The following WDPCP variants were observed in gnomAD, a reference collection of about 807,000 sequenced individuals.
WDPCP encodes the protein WD repeat containing planar cell polarity effector.
WDPCP carries 71 observed loss-of-function variants against 93.1 expected under a neutral mutation model. The ratio of observed to expected loss-of-function variants is 0.76; its 90% CI spans 0.63 to 0.93. WDPCP has a LOEUF of 0.93. WDPCP is among the 40% of genes least tolerant of loss of function. The pLI is 0.00. For synonymous variants in WDPCP, 315 were observed against 315.0 expected (o/e 1.00, Z 0.00); for missense variants, 844 against 887.4 (o/e 0.95, Z 0.62).
intron 2 of WDPCP, among the ~76,000 whole-genome samples, chr2:63,808,375 T>C (rs1670802405): frequency 7.0e-6 from 1 of 142,926 alleles, no homozygotes; most frequent in South Asian, 2.4e-4. Context: ...CTTTCCACGG[T>C]CTCCCTCTGA....
intron 17 of WDPCP, among the ~76,000 whole-genome samples, chr2:63,128,991 T>G (rs759644445): frequency 9.9e-5 from 15 of 152,226 alleles, no homozygotes; most frequent in Non-Finnish European, 2.1e-4. Flanking sequence ...CTCTAAGAAT[T>G]TGACTATTCC....
chr2:63,417,956 T>A (rs1695554685), intron 9 of WDPCP, among the ~76,000 whole-genome samples: 1 of 151,956 alleles, frequency 6.6e-6, no homozygotes, highest in Non-Finnish European at 1.5e-5. Context: ...AAAATGCTAA[T>A]GTGATAGACC....
intron 10 of WDPCP, among the ~76,000 whole-genome samples, chr2:63,399,218 C>A (rs892829800): frequency 1.3e-5 from 2 of 152,020 alleles, no homozygotes; most frequent in African/African-American, 4.8e-5. Flanking sequence ...CAAAAGTTAT[C>A]ACCTTTTCAT....
rs1558831969 is a variant in WDPCP at position 63,575,409 on chromosome 2, A to ACT, written c.75+12787_75+12788insAG. Among the ~76,000 whole-genome samples, 389 of 75,568 alleles carry ACT rather than the reference A, an allele frequency of 5.1e-3. 51 individuals carry two copies. Among genetic ancestry groups the ACT allele is most frequent in the Middle Eastern group, 0.037 (4 of 108 alleles). 49.6% of individuals were successfully genotyped at this position (75,568 alleles called of 152,430 possible). A position where few individuals can be genotyped will look rare whatever the true frequency, so the allele number is the denominator to read the frequency against. On this transcript the variant is annotated intron_variant, in intron 1 of 17. Coordinates refer to ENST00000272321, the MANE Select transcript of WDPCP (RefSeq NM_015910.7). ...TACACGGTATATACAGTATATATAC[A>ACT]GTATATACACTGTATACAGTGTATA...
At position 63,567,986 on chromosome 2, in the gene WDPCP, T is replaced by G. The variant is rs17028036; in HGVS notation, c.75+20211A>C. On this transcript the variant is annotated intron_variant, in intron 1 of 17. Coordinates refer to ENST00000272321, the MANE Select transcript of WDPCP (RefSeq NM_015910.7). ...GGAGTACTGAATTTAAGTGTACAAA[T>G]GGGTATCCCATAAAAAATAATGACA... is the stretch of plus-strand genomic sequence containing the variant. 7.2e-4 allele frequency among the ~76,000 whole-genome samples: 109 copies of G among 152,344 alleles called. 2 individuals carry two copies. The East Asian group carries it at 0.019, about 26-fold the overall frequency.
At chr2:63,268,084 T>C (rs1441886890) in intron 13 of WDPCP, among the ~76,000 whole-genome samples, 2 of 152,174 alleles carry the variant, frequency 1.3e-5, no homozygotes, top group Admixed American at 6.5e-5. Flanking sequence ...CCATCAATGG[T>C]TGAATGGATA....
intron 12 of WDPCP, among the ~76,000 whole-genome samples, chr2:63,347,682 G>C (rs114998244): frequency 3.9e-5 from 6 of 152,004 alleles, no homozygotes; most frequent in African/African-American, 9.7e-5. Flanking sequence ...CTGTTTTTGT[G>C]GGGGGGTCAT....
intron 2 of WDPCP, among the ~76,000 whole-genome samples, chr2:63,722,287 C>A (rs1669428979): frequency 6.7e-6 from 1 of 149,720 alleles, no homozygotes; most frequent in Non-Finnish European, 1.5e-5. Flanking sequence ...AAGTGAGGAG[C>A]ACCTCTGCCC....
Position 63,205,061 on chromosome 2 carries a change from G to A in WDPCP, c.1916-30229C>T, listed in dbSNP as rs1223038539. Among the ~76,000 whole-genome samples, 3 of 152,062 alleles carry A rather than the reference G, an allele frequency of 2.0e-5. No homozygotes were observed. In the East Asian group the frequency reaches 5.8e-4, roughly 29 times the overall value. On this transcript the variant is annotated intron_variant, in intron 14 of 17. Transcript: ENST00000272321. ...GGTTTAGTTTCATTCTTCTACATAT[G>A]GATATCCAGTTTTCCCAGTACCATT...
chr2:63,234,787 T>C (rs181191567), intron 14 of WDPCP, among the ~76,000 whole-genome samples: 4 of 152,298 alleles, frequency 2.6e-5, no homozygotes, highest in East Asian at 1.9e-4. Flanking sequence ...AGCGTACTCA[T>C]GGTTTTTGTT....
chr2:63,217,642 G>A (rs569346460), intron 14 of WDPCP, among the ~76,000 whole-genome samples: 1 of 152,276 alleles, frequency 6.6e-6, no homozygotes, highest in African/African-American at 2.4e-5. Flanking sequence ...CCTCTCAGCT[G>A]TCATCTTAGA....
chr2:63,488,575 T>C (rs2105925907), intron 2 of WDPCP, among the ~76,000 whole-genome samples: 1 of 152,152 alleles, frequency 6.6e-6, no homozygotes, highest in South Asian at 2.1e-4. Flanking sequence ...ACTGATATTT[T>C]ATTTGTTGTC....
chr2:63,358,582 G>A (rs1690196135), intron 12 of WDPCP, among the ~76,000 whole-genome samples: 1 of 152,090 alleles, frequency 6.6e-6, no homozygotes, highest in Non-Finnish European at 1.5e-5. Context: ...TCAGCCTCAT[G>A]AGCAGCTGGG....
chr2:63,794,451 A>G (rs10181165), intron 2 of WDPCP, among the ~76,000 whole-genome samples: 3 of 152,350 alleles, frequency 2.0e-5, no homozygotes, highest in African/African-American at 7.2e-5. Flanking sequence ...ATCTAGGCCA[A>G]TGAGCCATGT....
chr2:63,476,458 A>G (rs1404417956), intron 6 of WDPCP, among the ~76,000 whole-genome samples: 2 of 152,126 alleles, frequency 1.3e-5, no homozygotes, highest in Non-Finnish European at 2.9e-5. Context: ...TTTAGGTCTA[A>G]GTAAAGTTAT....
At chr2:63,510,920 G>C (rs995565942) in intron 1 of WDPCP, among the ~76,000 whole-genome samples, 1 of 152,148 alleles carries the variant, frequency 6.6e-6, no homozygotes, top group African/African-American at 2.4e-5. Context: ...AGGTTACAGT[G>C]AGCTGAGATC....
chr2:63,345,797 C>G (rs367658247), intron 12 of WDPCP, among the ~76,000 whole-genome samples: 3 of 152,282 alleles, frequency 2.0e-5, no homozygotes, highest in Admixed American at 6.5e-5. Context: ...CAGCACTCCA[C>G]TGTACTAGAA....
At chr2:63,299,734 T>C (rs72813478) in intron 13 of WDPCP, among the ~76,000 whole-genome samples, 24,464 of 152,192 alleles carry the variant, frequency 0.16, 2,630 homozygotes, top group Non-Finnish European at 0.21. Flanking sequence ...ACATTACATT[T>C]AACTCCAGTC....
chr2:63,660,482 G>C (rs558539406), intron 2 of WDPCP, among the ~76,000 whole-genome samples: 4 of 152,258 alleles, frequency 2.6e-5, no homozygotes, highest in African/African-American at 9.6e-5. Flanking sequence ...ATGGGCTATA[G>C]GCAGATGAAA....
Sources: gnomAD v4.1 joint callset for allele counts (sites outside exome capture counted in the v4.1 genomes callset) on GRCh38, gnomAD v4.1.1 for gene constraint, MANE v1.5 for transcripts, NCBI Gene and HGNC (gene_info 2026-07-23, HGNC 2026-07-21) for gene names.